TEX11: variants seen among roughly 807,000 people sequenced by gnomAD.
TEX11 encodes the protein testis-expressed protein 11.
A neutral mutation model predicts 84.4 loss-of-function variants in TEX11; 7 were observed. That is an observed-to-expected ratio of 0.08 (90% CI 0.05 to 0.16). TEX11 has a LOEUF of 0.16. Among genes scored for constraint, TEX11 ranks in the 10% least tolerant of loss-of-function variants. TEX11 has a pLI of 1.00. For missense variants in TEX11, 551 were observed against 660.5 expected (o/e 0.83, Z 1.82); for synonymous variants, 264 against 222.8 (o/e 1.18, Z -1.64).
chrX:70,678,752 A>ATTTTTT, intron 15 of TEX11, 52 bp downstream of exon 15: 5 of 1,040,725 alleles, frequency 4.8e-6, no homozygotes, highest in East Asian at 3.1e-5. Flanking sequence ...TGAATGCACT[A>ATTTTTT]TTTTTTGTTG....
intron 17 of TEX11, among the ~76,000 whole-genome samples, chrX:70,647,991 T>C (rs1024490393): frequency 1.8e-5 from 2 of 111,928 alleles, no homozygotes; most frequent in Non-Finnish European, 3.8e-5. Flanking sequence ...CTATTCACGA[T>C]AGCAAAGACT....
At chrX:70,566,846 G>T (rs1215205421) in intron 25 of TEX11, among the ~76,000 whole-genome samples, 1 of 111,835 alleles carries the variant, frequency 8.9e-6, no homozygotes, top group African/African-American at 3.3e-5. Flanking sequence ...GTTCTTCAAG[G>T]ATATTGGTCT....
chrX:70,615,238 G>A (rs1022929764), intron 20 of TEX11, among the ~76,000 whole-genome samples: 13 of 111,783 alleles, frequency 1.2e-4, no homozygotes, highest in Admixed American at 1.1e-3. Flanking sequence ...ACAGAGGTAT[G>A]TGACCATTCA....
At chrX:70,734,348 C>G (rs1332032302) in intron 11 of TEX11, among the ~76,000 whole-genome samples, 2 of 110,573 alleles carry the variant, frequency 1.8e-5, no homozygotes, top group Admixed American at 9.6e-5. Context: ...CATCCAAAAC[C>G]TACTAAATGA....
intron 13 of TEX11, among the ~76,000 whole-genome samples, chrX:70,721,587 C>T (rs1243106922): frequency 1.8e-5 from 2 of 111,698 alleles, no homozygotes; most frequent in East Asian, 2.8e-4. Flanking sequence ...TATGCTGCCA[C>T]GAAGGTTCTG....
At chrX:70,893,781 C>T (rs1448831600) in intron 2 of TEX11, among the ~76,000 whole-genome samples, 1 of 111,051 alleles carries the variant, frequency 9.0e-6, no homozygotes, top group African/African-American at 3.3e-5. Context: ...ATCATTGAGT[C>T]CAGGAGCTGG....
intron 9 of TEX11, among the ~76,000 whole-genome samples, chrX:70,744,640 A>G (rs2147749317): frequency 9.1e-6 from 1 of 110,333 alleles, no homozygotes; most frequent in Non-Finnish European, 1.9e-5. Flanking sequence ...AAAATACTTT[A>G]CAAGTGTATA....
chrX:70,885,704 C>T (rs1215550330), intron 2 of TEX11, among the ~76,000 whole-genome samples: 2 of 109,874 alleles, frequency 1.8e-5, no homozygotes, highest in Admixed American at 9.8e-5. Flanking sequence ...CCAGCCTGAG[C>T]AACATGGTGA....
intron 9 of TEX11, among the ~76,000 whole-genome samples, chrX:70,750,982 C>T (rs1281440178): frequency 9.0e-5 from 6 of 66,789 alleles, no homozygotes; most frequent in African/African-American, 2.8e-4. Flanking sequence ...CAGGACACAA[C>T]AGGTGCTGGA....
intron 13 of TEX11, among the ~76,000 whole-genome samples, chrX:70,693,284 G>A (rs1221773750): frequency 9.0e-6 from 1 of 111,010 alleles, no homozygotes; most frequent in Admixed American, 9.6e-5. Context: ...GCCAACACTT[G>A]TTATCTTTTC....
At chrX:70,723,432 A>G (rs2090575883) in intron 12 of TEX11, among the ~76,000 whole-genome samples, 1 of 112,077 alleles carries the variant, frequency 8.9e-6, no homozygotes, top group Admixed American at 9.6e-5. Flanking sequence ...TAAGATTAGT[A>G]AGTGAAAAAT....
intron 14 of TEX11, 100 bp from the exon 15 acceptor site, chrX:70,678,989 C>T: frequency 1.5e-6 from 1 of 661,819 alleles, no homozygotes; most frequent in Non-Finnish European, 2.3e-6. Context: ...CCCTCTCCCT[C>T]TCTCCACGGT....
intron 28 of TEX11, among the ~76,000 whole-genome samples, chrX:70,535,871 T>C (rs1448240791): frequency 1.8e-5 from 2 of 110,055 alleles, no homozygotes; most frequent in Non-Finnish European, 3.8e-5. Flanking sequence ...CCTCCCAAAG[T>C]GCTGGGATTA....
chrX:70,539,361 T>A (rs1482776126), intron 28 of TEX11, among the ~76,000 whole-genome samples: 1 of 110,307 alleles, frequency 9.1e-6, no homozygotes, highest in East Asian at 2.8e-4. Context: ...GCAGACTGAT[T>A]CAGTAGGTCT....
At chrX:70,768,262 C>A (rs1358972317) in intron 9 of TEX11, among the ~76,000 whole-genome samples, 1 of 110,424 alleles carries the variant, frequency 9.1e-6, no homozygotes, top group Non-Finnish European at 1.9e-5. Flanking sequence ...ATATGTATAC[C>A]TAATATGTAC....
intron 9 of TEX11, among the ~76,000 whole-genome samples, chrX:70,759,764 G>C (rs2090895773): frequency 9.0e-6 from 1 of 111,510 alleles, no homozygotes; most frequent in African/African-American, 3.3e-5. Flanking sequence ...TTCTGGCCAG[G>C]ACAATCAGGC....
intron 17 of TEX11, among the ~76,000 whole-genome samples, chrX:70,647,435 G>A (rs1411482550): frequency 9.0e-6 from 1 of 111,320 alleles, no homozygotes; most frequent in Non-Finnish European, 1.9e-5. Context: ...GGTAGGGTTG[G>A]GTGTGATGGC....
intron 3 of TEX11, among the ~76,000 whole-genome samples, chrX:70,877,448 G>T (rs1224396598): frequency 1.8e-5 from 2 of 111,852 alleles, no homozygotes; most frequent in Admixed American, 1.9e-4. Flanking sequence ...AAATGGTATA[G>T]TTGCTATGGA....
intron 8 of TEX11, among the ~76,000 whole-genome samples, chrX:70,812,409 G>A (rs897650989): frequency 9.1e-5 from 10 of 110,473 alleles, no homozygotes; most frequent in African/African-American, 2.6e-4. Context: ...GGGTTTCACC[G>A]TGTTAGCCAG....
Sources: allele counts gnomAD v4.1 joint callset (sites outside exome capture counted in the v4.1 genomes callset), GRCh38; gene constraint gnomAD v4.1.1; transcripts MANE v1.5; gene names NCBI Gene and HGNC (gene_info 2026-07-23, HGNC 2026-07-21).